Variants in RNF38 observed in about 807,000 individuals in gnomAD.
The protein encoded by RNF38 is E3 ubiquitin-protein ligase RNF38.
In RNF38, 15 loss-of-function variants were observed where a neutral mutation model predicts 67.2. That is an observed-to-expected ratio of 0.22 (90% CI 0.15 to 0.34). RNF38 has a LOEUF of 0.34. Among genes scored for constraint, RNF38 ranks in the 10% least tolerant of loss-of-function variants. RNF38 has a pLI of 1.00. For missense variants in RNF38, 524 were observed against 639.9 expected (o/e 0.82, Z 1.95); for synonymous variants, 220 against 218.8 (o/e 1.01, Z -0.05).
At chr9:36,390,662 A>C in intron 1 of RNF38, 46 bp from the exon 2 acceptor site, 1 of 1,588,158 alleles carries the variant, frequency 6.3e-7, no homozygotes, top group African/African-American at 1.3e-5. Context: ...TAGCTGCACC[A>C]ATGTGGAGAA....
At chr9:36,380,953 T>C (rs188080651) in intron 2 of RNF38, among the ~76,000 whole-genome samples, 3 of 152,230 alleles carry the variant, frequency 2.0e-5, no homozygotes, top group Admixed American at 6.5e-5. Flanking sequence ...CTACATGAAG[T>C]AGTCAAAATT....
chr9:36,457,856 A>G, intron 1 of RNF38, among the ~76,000 whole-genome samples: 1 of 152,158 alleles, frequency 6.6e-6, no homozygotes, highest in Non-Finnish European at 1.5e-5. Context: ...AAAAAAAAAA[A>G]TTATCAGGGG....
At chr9:36,473,571 A>T (rs1840047762) in intron 1 of RNF38, among the ~76,000 whole-genome samples, 1 of 151,946 alleles carries the variant, frequency 6.6e-6, no homozygotes, top group African/African-American at 2.4e-5. Flanking sequence ...TCGGGCAACA[A>T]GAGCGAAACT....
At position 36,337,557 on chromosome 9, in the gene RNF38, T is replaced by G. The variant is rs1395206113; in HGVS notation, c.*2195A>C. On this transcript the variant is annotated 3_prime_UTR_variant, in exon 12 of 12. Coordinates refer to ENST00000259605, the MANE Select transcript of RNF38 (RefSeq NM_022781.5). ...TACTTGCATGCTTCAATAAAATGAA[T>G]ACTGAGTGTCGTAGTGTTAGATCTG... 6.6e-6 allele frequency: 1 copy of G among 152,668 alleles called. No individual in the cohort carries two copies. The highest frequency in any genetic ancestry group is 1.5e-5 in the Non-Finnish European group (1 of 68,036). 9.5% of individuals were successfully genotyped at this position (152,668 alleles called of 1,614,324 possible). A position where few individuals can be genotyped will look rare whatever the true frequency, so the allele number is the denominator to read the frequency against.
At chr9:36,358,700 C>G (rs1030786540) in intron 4 of RNF38, among the ~76,000 whole-genome samples, 1 of 152,108 alleles carries the variant, frequency 6.6e-6, no homozygotes, top group South Asian at 2.1e-4. Flanking sequence ...CCAATATAAA[C>G]ACAACTGAAA....
chr9:36,352,930 G>A, intron 7 of RNF38, 82 bp from the exon 8 acceptor site: 1 of 1,014,228 alleles, frequency 9.9e-7, no homozygotes, highest in Non-Finnish European at 1.5e-6. Flanking sequence ...ATTAAAAAAA[G>A]ACTTAAACAG....
intron 1 of RNF38, among the ~76,000 whole-genome samples, chr9:36,442,073 G>A (rs188948179): frequency 1.4e-4 from 21 of 152,228 alleles, no homozygotes; most frequent in African/African-American, 3.6e-4. Flanking sequence ...ACTTATAAGG[G>A]GGGGAGGGGG....
chr9:36,423,625 AGG>A (rs1390353381), intron 2 of RNF38, among the ~76,000 whole-genome samples: 2 of 152,210 alleles, frequency 1.3e-5, no homozygotes, highest in African/African-American at 4.8e-5. Flanking sequence ...ATTTACTGCA[AGG>A]GCTGGGCCGT....
intron 5 of RNF38, among the ~76,000 whole-genome samples, chr9:36,356,919 T>C (rs1481075836): frequency 6.6e-6 from 1 of 151,476 alleles, no homozygotes; most frequent in Admixed American, 6.6e-5. Flanking sequence ...CCTTATAATC[T>C]CTCAGTATTT....
chr9:36,399,427 T>C (rs974638533), intron 1 of RNF38, among the ~76,000 whole-genome samples: 1 of 149,750 alleles, frequency 6.7e-6, no homozygotes, highest in East Asian at 1.9e-4. Context: ...CAACTTAAAA[T>C]TGAATGAACA....
At chr9:36,417,667 C>T (rs1211981670) in intron 2 of RNF38, among the ~76,000 whole-genome samples, 2 of 151,976 alleles carry the variant, frequency 1.3e-5, no homozygotes, top group African/African-American at 2.4e-5. Flanking sequence ...TGCACCACTA[C>T]GCTCAGCTAA....
intron 2 of RNF38, among the ~76,000 whole-genome samples, chr9:36,381,117 C>T (rs1356175918): frequency 6.6e-6 from 1 of 152,134 alleles, no homozygotes; most frequent in African/African-American, 2.4e-5. Context: ...CTCCTCACAC[C>T]CTATTTGGGG....
intron 4 of RNF38, 83 bp from the exon 5 acceptor site, chr9:36,358,025 T>G (rs938973255): frequency 2.7e-6 from 3 of 1,114,382 alleles, no homozygotes; most frequent in Non-Finnish European, 4.0e-6. Context: ...GGTCATTTAT[T>G]GGCTCCTCTC....
intron 1 of RNF38, among the ~76,000 whole-genome samples, chr9:36,436,107 A>C (rs991265502): frequency 1.3e-5 from 2 of 152,194 alleles, no homozygotes; most frequent in African/African-American, 2.4e-5. Flanking sequence ...TTAAGGATAG[A>C]CTCTGCGTGT....
At chr9:36,482,256 T>C (rs565173566) in intron 1 of RNF38, among the ~76,000 whole-genome samples, 10 of 152,066 alleles carry the variant, frequency 6.6e-5, no homozygotes, top group Non-Finnish European at 1.2e-4. Context: ...TTTCTCCACG[T>C]TGGCCAGGCT....
intron 1 of RNF38, among the ~76,000 whole-genome samples, chr9:36,475,813 C>T (rs1385996893): frequency 2.7e-5 from 4 of 150,672 alleles, no homozygotes; most frequent in East Asian, 4.0e-4. Context: ...GTCAGGAGTT[C>T]GAGACCAACC....
At chr9:36,382,434 G>T (rs537429516) in intron 2 of RNF38, among the ~76,000 whole-genome samples, 1 of 152,258 alleles carries the variant, frequency 6.6e-6, no homozygotes, top group African/African-American at 2.4e-5. Flanking sequence ...CAACAGAAGT[G>T]AAATGAACCT....
intron 1 of RNF38, among the ~76,000 whole-genome samples, chr9:36,470,836 A>T (rs1431367281): frequency 6.6e-6 from 1 of 152,052 alleles, no homozygotes; most frequent in Non-Finnish European, 1.5e-5. Flanking sequence ...CCAGTATTCC[A>T]CCTTTAACTT....
At chr9:36,401,235 C>T (rs1002525201), upstream of RNF38, 15 of 978,144 alleles carry the variant, frequency 1.5e-5, no homozygotes, top group Non-Finnish European at 1.6e-5. Context: ...GCGCGCGGCC[C>T]GGCGCACGAC....
Sources: gnomAD v4.1 joint callset for allele counts (sites outside exome capture counted in the v4.1 genomes callset) on GRCh38, gnomAD v4.1.1 for gene constraint, MANE v1.5 for transcripts, NCBI Gene and HGNC (gene_info 2026-07-23, HGNC 2026-07-21) for gene names.